Variants in SMO observed in about 807,000 individuals in gnomAD.
SMO encodes smoothened, frizzled class receptor.
A neutral mutation model predicts 81.6 loss-of-function variants in SMO; 40 were observed. The observed-to-expected ratio is 0.49, with a 90% CI of 0.38 to 0.64. The LOEUF (loss-of-function observed/expected upper bound fraction) is 0.64, where lower values mean the gene tolerates loss of function less well. Among genes scored for constraint, SMO ranks in the 30% least tolerant of loss-of-function variants. SMO has a pLI of 0.00. For synonymous variants in SMO, 434 were observed against 432.1 expected (o/e 1.00, Z -0.05); for missense variants, 916 against 1,061.1 (o/e 0.86, Z 1.90).
At position 129,208,176 on chromosome 7, in the gene SMO, G is replaced by A. The variant is rs898845537; in HGVS notation, c.1265-583G>A. On this transcript the variant is annotated intron_variant, in intron 6 of 11. Coordinates refer to ENST00000249373, the MANE Select transcript of SMO (RefSeq NM_005631.5). This position sits in a 1 kb window ranked among gnomAD's most constrained non-coding sequence, Gnocchi z 5.2. The stretch of plus-strand genomic sequence containing the variant: ...GCTCACATATTTCTATGGGAAGGCC[G>A]GCATGGTGGCTCACACCTGTAATCC... Among the ~76,000 whole-genome samples the A allele has an allele frequency of 9.2e-5, 14 of 152,144 alleles. No individual in the cohort carries two copies. Among genetic ancestry groups the A allele is most frequent in the African/African-American group, 2.6e-4 (11 of 41,518 alleles).
At chr7:129,209,582 C>T (rs1239105009) in intron 8 of SMO, among the ~76,000 whole-genome samples, 185 bp downstream of exon 8, 1 of 152,206 alleles carries the variant, frequency 6.6e-6, no homozygotes, top group Admixed American at 6.5e-5. Flanking sequence ...AAACAACCTT[C>T]GCATCCCTTC....
In SMO at chr7:129,211,717, G is replaced by A. The variant is rs201898555; in HGVS notation, c.1883G>A (p.Arg628Gln). Reference protein sequence around the residue: ...WAQHVTKMVARRGAILPQDIS... With the variant: ...WAQHVTKMVAQRGAILPQDIS... ...CAGCATGTCACCAAGATGGTGGCTC[G>A]GAGAGGAGCCATACTGCCCCAGGAT... Residue 628 changes from arginine to glutamine, a missense_variant, in exon 11 of 12, where the codon CGG (arginine) becomes CAG (glutamine). Physicochemically the swap from Arg to Gln is conservative, Grantham distance 43 (BLOSUM62 1). Transcript: ENST00000249373. This position sits in a 1 kb window ranked among gnomAD's most constrained non-coding sequence, Gnocchi z 4.6. 9.3e-6 allele frequency: 15 copies of A among 1,613,746 alleles called. No homozygotes were observed. The highest frequency in any genetic ancestry group is 4.5e-5 in the East Asian group (2 of 44,884).
Position 129,205,220 on chromosome 7 carries a change from C to G in SMO, c.555C>G (p.Ile185Met), listed in dbSNP as rs2150648071. 6.2e-7 allele frequency: 1 copy of G among 1,614,110 alleles called. No individual in the cohort carries two copies. Among genetic ancestry groups the G allele is most frequent in the Non-Finnish European group, 8.5e-7 (1 of 1,179,976 alleles). ...GGTGCCAGAATGAGGTGCAGAACATCAAGTTCAACAGTTCAGGCCAGTGCG... is the reference window on the plus strand; with the variant it reads ...GGTGCCAGAATGAGGTGCAGAACATGAAGTTCAACAGTTCAGGCCAGTGCG... ...PEGCTNEVQNIKFNSSGQCEV... is the reference protein window; with the variant it reads ...PEGCTNEVQNMKFNSSGQCEV... The change falls in exon 3 of 12, where the codon ATC becomes ATG. Residue 185 changes from isoleucine to methionine, a missense_variant. By Grantham distance (10) the Ile-to-Met change is conservative. This residue lies in a region of SMO where 436 missense variants were observed against 570.9 expected (regional missense o/e 0.76). Transcript: ENST00000249373.
rs372198259 is a variant in SMO at position 129,189,514 on chromosome 7, G to T, written c.331+32G>T. ...GCGGCGGAGCCGGGTCTGGGGGGCG[G>T]GAGGTGCCGCGGTAAGATGGGGGCA... On this transcript the variant is annotated intron_variant, in intron 1 of 11. Transcript: ENST00000249373. This position sits in a 1 kb window ranked among gnomAD's most constrained non-coding sequence, Gnocchi z 4.7. The T allele has an allele frequency of 7.5e-5, 115 of 1,533,678 alleles. No homozygotes were observed. The East Asian group carries it at 1.1e-3, about 15-fold the overall frequency.
intron 2 of SMO, among the ~76,000 whole-genome samples, chr7:129,204,707 A>C (rs1191734067): frequency 6.6e-6 from 1 of 151,820 alleles, no homozygotes; most frequent in Non-Finnish European, 1.5e-5. Context: ...CCATAAGGTA[A>C]GTACTACCAT....
chr7:129,206,721 G>T lies in SMO; in HGVS notation c.1264+134G>T. 1 of 741,428 alleles carries T rather than the reference G, an allele frequency of 1.3e-6. No homozygotes were observed. Among genetic ancestry groups the T allele is most frequent in the African/African-American group, 1.8e-5 (1 of 56,344 alleles). 45.9% of individuals were successfully genotyped at this position (741,428 alleles called of 1,614,324 possible). A position where few individuals can be genotyped will look rare whatever the true frequency, so the allele number is the denominator to read the frequency against. ...GCTCCTATAGGGCCTTCACACAGTA[G>T]AAGGTGACCCTCTAGGCAGACGAAA... On this transcript the variant is annotated intron_variant, in intron 6 of 11. Coordinates refer to ENST00000249373, the MANE Select transcript of SMO (RefSeq NM_005631.5). This position sits in a 1 kb window ranked among gnomAD's most constrained non-coding sequence, Gnocchi z 4.4.
At chr7:129,201,560 CT>C (rs1229400362) in intron 1 of SMO, among the ~76,000 whole-genome samples, 2 of 152,194 alleles carry the variant, frequency 1.3e-5, no homozygotes, top group Admixed American at 6.5e-5. Flanking sequence ...CATATATTCT[CT>C]CATGCTACTA....
At position 129,211,932 on chromosome 7, in the gene SMO, C is replaced by G; in HGVS notation, c.1937-92C>G. ...GCTCTAAGAGTCTAGAGACCTGGGC[C>G]CCAGAACTAACAGGTTAAGTGCTCC... is the stretch of plus-strand genomic sequence containing the variant. On this transcript the variant is annotated intron_variant, in intron 11 of 11. Coordinates refer to ENST00000249373, the MANE Select transcript of SMO (RefSeq NM_005631.5). The surrounding 1 kb of genome is among the most constrained non-coding windows in gnomAD (Gnocchi z 4.6). 1.4e-6 allele frequency: 2 copies of G among 1,427,712 alleles called. No individual in the cohort carries two copies. Among genetic ancestry groups the G allele is most frequent in the Non-Finnish European group, 1.9e-6 (2 of 1,059,840 alleles). The allele number at this position is 1,427,712 out of a possible 1,614,324, so 88.4% of individuals were successfully genotyped here.
chr7:129,191,397 A>G (rs941927522), intron 1 of SMO, among the ~76,000 whole-genome samples: 2 of 152,218 alleles, frequency 1.3e-5, no homozygotes, highest in Non-Finnish European at 2.9e-5. Flanking sequence ...GCAGGGTCCT[A>G]CAGAGATGCC....
chr7:129,196,388 C>T (rs968267755), intron 1 of SMO, among the ~76,000 whole-genome samples: 3 of 149,894 alleles, frequency 2.0e-5, no homozygotes, highest in African/African-American at 4.9e-5. Flanking sequence ...CCCTATTGTC[C>T]CGGCTGGTCT....
rs1352762329 is a variant in SMO, at chr7:129,212,449, T to C, written c.2362T>C (p.Ter788ArgextTer38). The change falls in exon 12 of 12, where the codon TGA becomes CGA. Residue 788 changes from the stop codon to arginine (R), a stop_lost. Transcript: ENST00000249373. This position sits in a 1 kb window ranked among gnomAD's most constrained non-coding sequence, Gnocchi z 5.0. ...ACTCATGGATGCAGACTCGGACTTC[T>C]GAGCCTGCAGAGCAGGACCTGGGAC... ...TELMDADSDF[*>R] The C allele has an allele frequency of 1.2e-6, 2 of 1,609,624 alleles. No homozygotes were observed. Among genetic ancestry groups the C allele is most frequent in the Admixed American group, 1.7e-5 (1 of 59,904 alleles).
chr7:129,210,479 C>T lies in SMO; in HGVS notation c.1583C>T (p.Thr528Ile), dbSNP rs2150653895. Residue 528 changes from threonine (T) to isoleucine (I), a missense_variant, in exon 9 of 12, where the codon ACT (threonine) becomes ATT (isoleucine). Physicochemically the swap from Thr to Ile is moderately conservative, Grantham distance 89. Around this residue, in one of 4 missense-constraint regions of SMO, gnomAD observed 436 missense variants for 570.9 expected, o/e 0.76. Transcript: ENST00000249373. This position sits in a 1 kb window ranked among gnomAD's most constrained non-coding sequence, Gnocchi z 4.7. The stretch of plus-strand genomic sequence containing the variant: ...ATCAACCTGTTTGCCATGTTTGGAA[C>T]TGGCATCGCCATGAGCACCTGGGTC... ...EKINLFAMFG[T>I]GIAMSTWVWT... 1 of 1,614,134 alleles carries T rather than the reference C, an allele frequency of 6.2e-7. No individual in the cohort carries two copies. Among genetic ancestry groups the T allele is most frequent in the Non-Finnish European group, 8.5e-7 (1 of 1,179,946 alleles).
chr7:129,189,065 G>A lies in SMO; in HGVS notation c.-87G>A, dbSNP rs961358364. 7 of 1,175,316 alleles carry A rather than the reference G, an allele frequency of 6.0e-6. No homozygotes were observed. Among genetic ancestry groups the A allele is most frequent in the Admixed American group, 4.4e-5 (1 of 22,566 alleles). 72.8% of individuals were successfully genotyped at this position (1,175,316 alleles called of 1,614,324 possible). On this transcript the variant is annotated 5_prime_UTR_variant, in exon 1 of 12. Transcript: ENST00000249373. This position sits in a 1 kb window ranked among gnomAD's most constrained non-coding sequence, Gnocchi z 4.7. ...CGCACAGGTCGCCTGAGCCGCCTCCGCGGCCGCCGAGGTCGTGCGTGTGGC... is the reference window on the plus strand; with the variant it reads ...CGCACAGGTCGCCTGAGCCGCCTCCACGGCCGCCGAGGTCGTGCGTGTGGC...
At chr7:129,194,337 G>T (rs984592761) in intron 1 of SMO, among the ~76,000 whole-genome samples, 1 of 152,076 alleles carries the variant, frequency 6.6e-6, no homozygotes, top group Non-Finnish European at 1.5e-5. Flanking sequence ...GGAATAGCTG[G>T]CACTACAGGC....
intron 1 of SMO, among the ~76,000 whole-genome samples, chr7:129,197,860 A>C (rs1793611522): frequency 6.6e-6 from 1 of 152,194 alleles, no homozygotes; most frequent in Non-Finnish European, 1.5e-5. Flanking sequence ...CAACTTGACT[A>C]GTCATCAGAA....
Position 129,191,670 on chromosome 7 carries a change from C to A in SMO, c.331+2188C>A, listed in dbSNP as rs117225643. ...ATTTATCATGTCCCGAGTTAATGAT[C>A]TTGATTTTGCATTAGACAGGGTCAG... is the stretch of plus-strand genomic sequence containing the variant. On this transcript the variant is annotated intron_variant, in intron 1 of 11. Coordinates refer to ENST00000249373, the MANE Select transcript of SMO (RefSeq NM_005631.5). Among the ~76,000 whole-genome samples the A allele has an allele frequency of 7.6e-3, 1,157 of 152,228 alleles. 4 individuals carry two copies. Among genetic ancestry groups the A allele is most frequent in the Middle Eastern group, 0.014 (4 of 294 alleles).
At position 129,212,921 on chromosome 7, in the gene SMO, A is replaced by G. The variant is rs2150657896; in HGVS notation, c.*470A>G. 1 of 271,652 alleles carries G rather than the reference A, an allele frequency of 3.7e-6. No homozygotes were observed. The highest frequency in any genetic ancestry group is 1.4e-4 in the South Asian group (1 of 7,188). The allele number at this position is 271,652 out of a possible 1,614,324, so 16.8% of individuals were successfully genotyped here. A position where few individuals can be genotyped will look rare whatever the true frequency, so the allele number is the denominator to read the frequency against. ...TCAGTCCAAAAGTGTTGACTGTGTCATTAGTCCTTTGTCTAAGTAGGGCCA... is the reference window on the plus strand; with the variant it reads ...TCAGTCCAAAAGTGTTGACTGTGTCGTTAGTCCTTTGTCTAAGTAGGGCCA... On this transcript the variant is annotated 3_prime_UTR_variant, in exon 12 of 12. Coordinates refer to ENST00000249373, the MANE Select transcript of SMO (RefSeq NM_005631.5). The surrounding 1 kb of genome is among the most constrained non-coding windows in gnomAD (Gnocchi z 5.0).
chr7:129,196,954 T>C (rs1026306922), intron 1 of SMO, among the ~76,000 whole-genome samples: 2 of 149,882 alleles, frequency 1.3e-5, no homozygotes, highest in African/African-American at 4.9e-5. Context: ...GAGGCGGAGC[T>C]TGCAATGAGC....
chr7:129,212,299 T>G lies in SMO; in HGVS notation c.2212T>G (p.Cys738Gly). 1 of 1,614,084 alleles carries G rather than the reference T, an allele frequency of 6.2e-7. No homozygotes were observed. The highest frequency in any genetic ancestry group is 8.5e-7 in the Non-Finnish European group (1 of 1,179,984). Residue 738 changes from cysteine to glycine, a missense_variant, in exon 12 of 12, where the codon TGC (cysteine) becomes GGC (glycine). Coordinates refer to ENST00000249373, the MANE Select transcript of SMO (RefSeq NM_005631.5). This position sits in a 1 kb window ranked among gnomAD's most constrained non-coding sequence, Gnocchi z 5.0. ...GAWTLVSNPF[C>G]PEPSPPQDPF... is the part of the protein sequence containing the mutation. ...GTGGACCCTGGTCTCCAACCCATTC[T>G]GCCCAGAGCCCAGTCCCCCTCAGGA...
Sources: gnomAD v4.1 joint callset for allele counts (sites outside exome capture counted in the v4.1 genomes callset) on GRCh38, gnomAD v4.1.1 for gene constraint, gnomAD v4.1.1 regional missense constraint, Gnocchi (gnomAD v3.1) non-coding constraint, MANE v1.5 for transcripts, NCBI Gene and HGNC (gene_info 2026-07-23, HGNC 2026-07-21) for gene names.